TRMT44: variants seen among roughly 807,000 people sequenced by gnomAD.
TRMT44 encodes the protein tRNA methyltransferase 44 homolog.
A neutral mutation model predicts 77.3 loss-of-function variants in TRMT44; 78 were observed. The observed-to-expected ratio is 1.01, with a 90% confidence interval of 0.84 to 1.22. The LOEUF is 1.22. Among genes scored for constraint, TRMT44 ranks in the 50% most tolerant of loss-of-function variants. The pLI is 0.00. For synonymous variants in TRMT44, 391 were observed against 383.3 expected, an observed-to-expected ratio of 1.02 and a Z score of -0.23; for missense variants, 1,090 against 964.4, an observed-to-expected ratio of 1.13 and a Z score of -1.73.
At chr4:8,508,448 C>A in the TRMT44 span, among the ~76,000 whole-genome samples, 133 of 152,324 alleles carry the variant, frequency 8.7e-4, 1 homozygote, top group African/African-American at 3.1e-3. Flanking sequence ...TCCAAGCCCC[C>A]TCCCCAAGTG....
At chr4:8,496,729 A>G (rs10001657), downstream of TRMT44, among the ~76,000 whole-genome samples, 19,491 of 151,972 alleles carry the variant, frequency 0.13, 1,520 homozygotes, top group African/African-American at 0.21. Context: ...ACTGAGCCTC[A>G]GGGGCAGCCA....
chr4:8,503,677 A>T, the TRMT44 span, among the ~76,000 whole-genome samples: 1 of 152,228 alleles, frequency 6.6e-6, no homozygotes, highest in African/African-American at 2.4e-5. Flanking sequence ...AACGGGAGTC[A>T]GGTGGTCACA....
intron 10 of TRMT44, 87 bp downstream of exon 10, chr4:8,471,287 G>GACTC: frequency 1.1e-6 from 1 of 941,298 alleles, no homozygotes. Flanking sequence ...GAGTGGTTTA[G>GACTC]ACTCACTGAA....
At position 8,475,821 on chromosome 4, in the gene TRMT44, G is replaced by T; in HGVS notation, c.2094G>T (p.Trp698Cys). 1 of 1,614,178 alleles carries T rather than the reference G, an allele frequency of 6.2e-7. No individual in the cohort carries two copies. Among genetic ancestry groups the T allele is most frequent in the Non-Finnish European group, 8.5e-7 (1 of 1,180,044 alleles). Residue 698 changes from tryptophan to cysteine, a missense_variant, in exon 11 of 11, where the codon TGG becomes TGT. By Grantham distance (215) the Trp-to-Cys change is radical. Coordinates refer to ENST00000389737, the MANE Select transcript of TRMT44 (RefSeq NM_152544.3). ...HIRDWREETL[W>C]KTKQPEAKQR... Reference sequence around the variant, plus strand: ...GCGACTGGCGAGAGGAGACACTGTGGAAGACAAAGCAACCGGAAGCGAAAC... The same window carrying T: ...GCGACTGGCGAGAGGAGACACTGTGTAAGACAAAGCAACCGGAAGCGAAAC...
intron 1 of TRMT44, among the ~76,000 whole-genome samples, chr4:8,441,684 G>T (rs774965175): frequency 2.4e-4 from 37 of 152,178 alleles, no homozygotes; most frequent in Non-Finnish European, 4.6e-4. Context: ...GCTGGATATT[G>T]CGTAATACCT....
chr4:8,443,728 C>T (rs188658430), intron 1 of TRMT44, among the ~76,000 whole-genome samples: 9 of 152,190 alleles, frequency 5.9e-5, no homozygotes, highest in East Asian at 5.8e-4. Flanking sequence ...GGTAAGATCA[C>T]GAAGGTCTTA....
chr4:8,468,238 G>T lies in TRMT44; in HGVS notation c.1819G>T (p.Asp607Tyr), dbSNP rs1726741140. ...GAGGAACTGTGCCGCCCTGCCACGA[G>T]ATTTTATTGACCAAGTGGTTTTGCA... ...RVRNCAALPR[D>Y]FIDQVVLQVA... is the part of the protein sequence containing the mutation. Residue 607 changes from aspartate (D) to tyrosine (Y), a missense_variant, in exon 9 of 11, where the codon GAT (aspartate) becomes TAT (tyrosine). By Grantham distance (160) the Asp-to-Tyr change is radical (BLOSUM62 -3). Transcript: ENST00000389737. 3 of 1,614,150 alleles carry T rather than the reference G, an allele frequency of 1.9e-6. No individual in the cohort carries two copies. Among genetic ancestry groups the T allele is most frequent in the African/African-American group, 2.7e-5 (2 of 74,952 alleles).
downstream of TRMT44, chr4:8,479,588 A>T (rs556878767): frequency 6.6e-6 from 1 of 152,250 alleles, no homozygotes; most frequent in South Asian, 2.1e-4. Flanking sequence ...GATGTAAAAG[A>T]GAAAACATGC....
intron 2 of TRMT44, among the ~76,000 whole-genome samples, chr4:8,490,193 GAA>G (rs1163881422): frequency 6.6e-6 from 1 of 152,032 alleles, no homozygotes; most frequent in Non-Finnish European, 1.5e-5. Flanking sequence ...AACTGCCTTT[GAA>G]AAACCCCTAT....
intron 9 of TRMT44, among the ~76,000 whole-genome samples, chr4:8,469,295 C>T (rs1332700397): frequency 6.6e-6 from 1 of 152,158 alleles, no homozygotes; most frequent in African/African-American, 2.4e-5. Flanking sequence ...ATGGGGCCGA[C>T]TAGCTGCAAA....
chr4:8,475,655 G>A, intron 10 of TRMT44, 117 bp from the exon 11 acceptor site: 1 of 904,424 alleles, frequency 1.1e-6, no homozygotes, highest in East Asian at 2.5e-5. Context: ...CTGTGTTCCG[G>A]TTGTATCCCT....
At chr4:8,465,301 G>A (rs78294700) in intron 7 of TRMT44, 77 bp from the exon 8 acceptor site, 19,504 of 1,418,278 alleles carry the variant, frequency 0.014, 320 homozygotes, top group African/African-American at 0.063. Flanking sequence ...TGCGATTGCC[G>A]TGTGGCTTTG....
chr4:8,468,226 G>A lies in TRMT44; in HGVS notation c.1807G>A (p.Ala603Thr), dbSNP rs374840681. The A allele has an allele frequency of 8.1e-6, 13 of 1,614,106 alleles. No individual in the cohort carries two copies. Among genetic ancestry groups the A allele is most frequent in the Middle Eastern group, 1.6e-4 (1 of 6,084 alleles). The change falls in exon 9 of 11, where the codon GCC becomes ACC. Residue 603 changes from alanine (A) to threonine (T), a missense_variant. Ala to Thr is a moderately conservative substitution (Grantham distance 58). Coordinates refer to ENST00000389737, the MANE Select transcript of TRMT44 (RefSeq NM_152544.3). ...GGCTGAGCGTGTGAGGAACTGTGCCGCCCTGCCACGAGATTTTATTGACCA... is the reference window on the plus strand; with the variant it reads ...GGCTGAGCGTGTGAGGAACTGTGCCACCCTGCCACGAGATTTTATTGACCA... ...EKAERVRNCA[A>T]LPRDFIDQVV...
At chr4:8,511,582 A>G in the TRMT44 span, among the ~76,000 whole-genome samples, 1 of 152,334 alleles carries the variant, frequency 6.6e-6, no homozygotes, top group Non-Finnish European at 1.5e-5. Context: ...CAACATCCCT[A>G]AAGTCTAAAA....
At chr4:8,454,176 C>T (rs987159115) in intron 5 of TRMT44, among the ~76,000 whole-genome samples, 1 of 152,218 alleles carries the variant, frequency 6.6e-6, no homozygotes, top group Admixed American at 6.5e-5. Flanking sequence ...GGCTCACGTT[C>T]TCAGGTGTGC....
At chr4:8,467,423 G>A (rs1365095502) in intron 8 of TRMT44, among the ~76,000 whole-genome samples, 1 of 152,212 alleles carries the variant, frequency 6.6e-6, no homozygotes, top group East Asian at 1.9e-4. Context: ...GGCTCTTACT[G>A]TTTTTTTAAT....
intron 2 of TRMT44, among the ~76,000 whole-genome samples, chr4:8,484,259 G>A (rs1727733499): frequency 6.6e-6 from 1 of 152,188 alleles, no homozygotes; most frequent in Non-Finnish European, 1.5e-5. Flanking sequence ...AGGGGCAGGT[G>A]TGGTATCCGG....
intron 2 of TRMT44, among the ~76,000 whole-genome samples, chr4:8,489,456 TTTTCG>T (rs1217964106): frequency 7.3e-6 from 1 of 136,984 alleles, no homozygotes; most frequent in East Asian, 2.2e-4. Flanking sequence ...TGTAGTTTTG[TTTTCG>T]TTTTGTTTTG....
Position 8,467,984 on chromosome 4 carries a change from A to AGT in TRMT44, c.1566_1567dup (p.Tyr523CysfsTer11). 3.7e-6 allele frequency: 6 copies of AGT among 1,614,186 alleles called. No individual in the cohort carries two copies. The highest frequency in any genetic ancestry group is 5.1e-6 in the Non-Finnish European group (6 of 1,180,030). On this transcript the variant is annotated frameshift_variant, in exon 9 of 11. Coordinates refer to ENST00000389737, the MANE Select transcript of TRMT44 (RefSeq NM_152544.3). LOFTEE classifies it high-confidence loss of function. ...GCTTCCGTGGATGAAAAGAGGACTCAGTACATTAAGAGCAGGCGGGGCTGC... is the reference window on the plus strand; with the variant it reads ...GCTTCCGTGGATGAAAAGAGGACTCAGTGTACATTAAGAGCAGGCGGGGCTGC...
Sources: gnomAD v4.1 joint callset for allele counts (sites outside exome capture counted in the v4.1 genomes callset) on GRCh38, gnomAD v4.1.1 for gene constraint, MANE v1.5 for transcripts, NCBI Gene and HGNC (gene_info 2026-07-23, HGNC 2026-07-21) for gene names.